LSAMP: variants seen among roughly 807,000 people sequenced by gnomAD.
LSAMP encodes the protein limbic system-associated membrane protein.
A neutral mutation model predicts 38.6 loss-of-function variants in LSAMP; 7 were observed. The ratio of observed to expected loss-of-function variants is 0.18; its 90% CI spans 0.10 to 0.34. The LOEUF (loss-of-function observed/expected upper bound fraction) is 0.34, where lower values mean the gene tolerates loss of function less well. Ranked by LOEUF, LSAMP falls within the 10% of genes least tolerant of loss-of-function variation. The probability of loss-of-function intolerance (pLI) is 1.00; values close to 1 mark genes in which losing one functional copy is unlikely to be tolerated. For synonymous variants in LSAMP, 154 were observed against 166.8 expected (o/e 0.92, Z 0.59); for missense variants, 313 against 420.0 (o/e 0.75, Z 2.23).
intron 1 of LSAMP, among the ~76,000 whole-genome samples, chr3:116,154,299 T>C (rs934577642): frequency 6.6e-6 from 1 of 152,158 alleles, no homozygotes; most frequent in Non-Finnish European, 1.5e-5. Flanking sequence ...TGGTACACTA[T>C]GTACCTTGAC....
At chr3:115,971,378 A>T (rs1199848104) in intron 3 of LSAMP, among the ~76,000 whole-genome samples, 1 of 152,200 alleles carries the variant, frequency 6.6e-6, no homozygotes, top group East Asian at 1.9e-4. Context: ...TTCATGATAA[A>T]GCTTTTAAAA....
intron 1 of LSAMP, 80 bp downstream of exon 1, chr3:116,444,787 GACACACACAC>G (rs61173418): frequency 2.5e-6 from 3 of 1,202,240 alleles, no homozygotes; most frequent in Middle Eastern, 2.1e-4. Flanking sequence ...AAGGAGATCA[GACACACACAC>G]ACACACACAC....
At chr3:115,870,819 G>A (rs1417471726) in intron 3 of LSAMP, among the ~76,000 whole-genome samples, 1 of 152,120 alleles carries the variant, frequency 6.6e-6, no homozygotes, top group Non-Finnish European at 1.5e-5. Flanking sequence ...GTTGTTCCCA[G>A]GAGAGATGCA....
chr3:115,816,602 T>TAAG (rs1341535698), intron 6 of LSAMP: 1 of 1,284,802 alleles, frequency 7.8e-7, no homozygotes, highest in African/African-American at 1.5e-5. Context: ...TAACCAAAAA[T>TAAG]AAGAACCATA....
chr3:115,827,933 T>C (rs957358123), intron 6 of LSAMP, among the ~76,000 whole-genome samples: 1 of 152,210 alleles, frequency 6.6e-6, no homozygotes, highest in Non-Finnish European at 1.5e-5. Context: ...GGTGCTTTTT[T>C]AGTTTAATAC....
chr3:115,851,588 T>C (rs958593440), intron 4 of LSAMP, among the ~76,000 whole-genome samples: 2 of 152,208 alleles, frequency 1.3e-5, no homozygotes, highest in Non-Finnish European at 2.9e-5. Context: ...TAAAGGATAC[T>C]TTCAAATATG....
At chr3:116,230,507 A>G (rs1156990473) in intron 1 of LSAMP, among the ~76,000 whole-genome samples, 2 of 152,194 alleles carry the variant, frequency 1.3e-5, no homozygotes, top group Non-Finnish European at 2.9e-5. Context: ...ACTCAGCAAG[A>G]AGTCCAGAGA....
intron 3 of LSAMP, among the ~76,000 whole-genome samples, chr3:115,880,601 A>G (rs1322784128): frequency 2.0e-5 from 3 of 152,184 alleles, no homozygotes; most frequent in African/African-American, 7.2e-5. Flanking sequence ...AATCACTGGG[A>G]AAACATAAGG....
At chr3:115,849,351 C>G (rs1239395441) in intron 4 of LSAMP, among the ~76,000 whole-genome samples, 3 of 152,298 alleles carry the variant, frequency 2.0e-5, no homozygotes, top group Non-Finnish European at 4.4e-5. Context: ...GTGAGCTCAA[C>G]AGGAGAGACT....
intron 1 of LSAMP, among the ~76,000 whole-genome samples, chr3:116,192,695 T>A (rs1407302480): frequency 6.6e-6 from 1 of 152,180 alleles, no homozygotes; most frequent in Non-Finnish European, 1.5e-5. Context: ...ATGGTCAAGT[T>A]TCTGCCCTAC....
intron 3 of LSAMP, among the ~76,000 whole-genome samples, chr3:115,923,296 G>A (rs763427532): frequency 1.1e-4 from 17 of 152,180 alleles, no homozygotes; most frequent in Admixed American, 2.0e-4. Context: ...GAGCCAGTGT[G>A]TTCTCTTCTG....
chr3:116,303,399 A>G (rs1473886960), intron 1 of LSAMP, among the ~76,000 whole-genome samples: 2 of 152,242 alleles, frequency 1.3e-5, no homozygotes, highest in Non-Finnish European at 2.9e-5. Context: ...AAATAATTGA[A>G]TGTGTGGCTA....
intron 1 of LSAMP, among the ~76,000 whole-genome samples, chr3:116,405,452 C>T (rs2048886752): frequency 6.6e-6 from 1 of 152,062 alleles, no homozygotes; most frequent in African/African-American, 2.4e-5. Context: ...AAAAATGCCA[C>T]TCTGAGATGT....
intron 1 of LSAMP, among the ~76,000 whole-genome samples, chr3:116,161,750 TG>T (rs912051613): frequency 6.6e-6 from 1 of 152,130 alleles, no homozygotes; most frequent in Non-Finnish European, 1.5e-5. Context: ...GTAGTATCCA[TG>T]CACCAAAAAA....
chr3:116,188,752 G>A (rs1350991127), intron 1 of LSAMP, among the ~76,000 whole-genome samples: 1 of 152,238 alleles, frequency 6.6e-6, no homozygotes, highest in South Asian at 2.1e-4. Context: ...CGGGAATGGG[G>A]GAATTCAAAA....
intron 1 of LSAMP, among the ~76,000 whole-genome samples, chr3:116,399,612 A>G (rs532735728): frequency 6.6e-6 from 1 of 152,314 alleles, no homozygotes; most frequent in African/African-American, 2.4e-5. Flanking sequence ...GGTTTTGTCA[A>G]TAAGCAGAGG....
In LSAMP at chr3:115,816,958, C is replaced by T. The variant is rs544101049; in HGVS notation, c.920-6544G>A. On this transcript the variant is annotated intron_variant, in intron 6 of 6. Coordinates refer to ENST00000490035, the MANE Select transcript of LSAMP (RefSeq NM_002338.5). ...TATGGAATGTAAAGGTACTCTTGAC[C>T]GCAATTTAGTGGAATAATAGAATGT... is the stretch of plus-strand genomic sequence containing the variant. Among the ~76,000 whole-genome samples the T allele has an allele frequency of 3.9e-5, 6 of 152,224 alleles. No individual in the cohort carries two copies. The East Asian group carries it at 1.2e-3, about 29-fold the overall frequency.
intron 1 of LSAMP, among the ~76,000 whole-genome samples, chr3:116,198,613 T>C (rs1300053908): frequency 6.6e-6 from 1 of 150,880 alleles, no homozygotes; most frequent in Non-Finnish European, 1.5e-5. Context: ...ACTAAAAAAA[T>C]ACAAAAAATT....
intron 3 of LSAMP, among the ~76,000 whole-genome samples, chr3:115,984,448 T>A (rs1289307217): frequency 6.6e-6 from 1 of 152,190 alleles, no homozygotes; most frequent in Admixed American, 6.5e-5. Flanking sequence ...ATTTTATAGT[T>A]GCTAAACATT....
Sources: gnomAD v4.1 joint callset for allele counts (sites outside exome capture counted in the v4.1 genomes callset) on GRCh38, gnomAD v4.1.1 for gene constraint, MANE v1.5 for transcripts, NCBI Gene and HGNC (gene_info 2026-07-23, HGNC 2026-07-21) for gene names.